The following STK25 variants were observed in gnomAD, a reference collection of about 807,000 sequenced individuals.
STK25 encodes the protein serine/threonine kinase 25, also known as serine/threonine-protein kinase 25.
In STK25, 29 loss-of-function variants were observed where a neutral mutation model predicts 53.8. The ratio of observed to expected loss-of-function variants is 0.54; its 90% confidence interval spans 0.40 to 0.74. The LOEUF (loss-of-function observed/expected upper bound fraction) is 0.74. STK25 is among the 30% of genes least tolerant of loss of function. The probability of loss-of-function intolerance (pLI) is 0.00; values close to 1 mark genes in which losing one functional copy is unlikely to be tolerated. For missense variants in STK25, 420 were observed against 568.0 expected (o/e 0.74, Z 2.65); for synonymous variants, 247 against 238.3 (o/e 1.04, Z -0.33).
chr2:241,499,563 A>C, intron 5 of STK25, 149 bp from the exon 6 acceptor site: 20 of 973,158 alleles, frequency 2.1e-5, no homozygotes, highest in Middle Eastern at 3.3e-4. Flanking sequence ...CCACTCTCAA[A>C]CCCAGGGCCA....
chr2:241,499,974 CAGCG>C, intron 5 of STK25, 195 bp downstream of exon 5: 1 of 677,064 alleles, frequency 1.5e-6, no homozygotes, highest in Middle Eastern at 2.4e-4. Flanking sequence ...CTGGTTTCCT[CAGCG>C]TACAAGGAAA....
chr2:241,499,660 A>C, intron 5 of STK25: 1 of 582,740 alleles, frequency 1.7e-6, no homozygotes, highest in Non-Finnish European at 3.0e-6. Context: ...TTTTACGACA[A>C]ATCCCAACGA....
Position 241,501,451 on chromosome 2 carries a change from G to C in STK25, c.261+27C>G. The C allele has an allele frequency of 1.2e-6, 2 of 1,603,086 alleles. No individual in the cohort carries two copies. The highest frequency in any genetic ancestry group is 1.7e-6 in the Non-Finnish European group (2 of 1,171,690). Reference sequence around the variant, plus strand: ...AAGAGAGCCGGGCACAGCACCAGCAGGGTCCCCGCCTCCCCACAACAGGCA... The same window carrying C: ...AAGAGAGCCGGGCACAGCACCAGCACGGTCCCCGCCTCCCCACAACAGGCA... On this transcript the variant is annotated intron_variant, in intron 3 of 11. Coordinates refer to ENST00000316586, the MANE Select transcript of STK25 (RefSeq NM_001271977.2). The surrounding 1 kb of genome is among the most constrained non-coding windows in gnomAD (Gnocchi z 5.3).
Position 241,496,429 on chromosome 2 carries a change from G to C in STK25, c.1210C>G (p.Leu404Val). ...EESCPGISDK[L>V]MVHLVERVQR... ...ACTCGCTCCACCAGGTGCACCATCA[G>C]CTTGTCTGAGATGCCGGGGCAGGAC... Residue 404 changes from leucine (L) to valine (V), a missense_variant, in exon 11 of 12, where the codon CTG (leucine) becomes GTG (valine). By Grantham distance (32) the Leu-to-Val change is conservative. Coordinates refer to ENST00000316586, the MANE Select transcript of STK25 (RefSeq NM_001271977.2). This position sits in a 1 kb window ranked among gnomAD's most constrained non-coding sequence, Gnocchi z 5.8. The C allele has an allele frequency of 6.2e-7, 1 of 1,613,698 alleles. No homozygotes were observed. The highest frequency in any genetic ancestry group is 8.5e-7 in the Non-Finnish European group (1 of 1,179,966).
chr2:241,501,671 A>T lies in STK25; in HGVS notation c.68T>A (p.Leu23His). ...AAACGAGCCCTTGCCAATGCGGTCG[A>T]GCTTGGTGAAGAGCTCCTCAGGGTC... ...RVDPEELFTK[L>H]DRIGKGSFGE... Residue 23 changes from leucine (L) to histidine (H), a missense_variant, in exon 3 of 12, where the codon CTC becomes CAC. Leu to His is a moderately conservative substitution (Grantham distance 99). Coordinates refer to ENST00000316586, the MANE Select transcript of STK25 (RefSeq NM_001271977.2). The surrounding 1 kb of genome is among the most constrained non-coding windows in gnomAD (Gnocchi z 5.3). 6.2e-7 allele frequency: 1 copy of T among 1,613,886 alleles called. No homozygotes were observed. The highest frequency in any genetic ancestry group is 8.5e-7 in the Non-Finnish European group (1 of 1,179,998).
upstream of STK25, chr2:241,508,741 G>T: frequency 1.0e-6 from 1 of 985,110 alleles, no homozygotes; most frequent in Non-Finnish European, 1.2e-6. Context: ...TCGCATGCGC[G>T]CCGCGAGGCT....
intron 8 of STK25, 99 bp from the exon 9 acceptor site, chr2:241,498,448 A>G (rs1254374233): frequency 6.9e-6 from 9 of 1,308,872 alleles, no homozygotes; most frequent in East Asian, 2.4e-5. Context: ...CCGAGGTACC[A>G]GACGGGGCTC....
intron 2 of STK25, chr2:241,502,012 A>C: frequency 6.6e-6 from 2 of 303,828 alleles, no homozygotes; most frequent in African/African-American, 2.1e-5. Context: ...TAATACAAAA[A>C]AATTATCTGG....
rs895329188 is a variant in STK25, at chr2:241,492,693, T to C, written c.*2969A>G. Reference sequence around the variant, plus strand: ...GGTTGGTTACTGAACACTGACTTTATTGTGCACAGGGAAAGGGAACTCACT... The same window carrying C: ...GGTTGGTTACTGAACACTGACTTTACTGTGCACAGGGAAAGGGAACTCACT... On this transcript the variant is annotated 3_prime_UTR_variant, in exon 12 of 12. Coordinates refer to ENST00000316586, the MANE Select transcript of STK25 (RefSeq NM_001271977.2). 9 of 480,886 alleles carry C rather than the reference T, an allele frequency of 1.9e-5. No homozygotes were observed. The Middle Eastern group carries it at 1.7e-3, about 90-fold the overall frequency. 29.8% of individuals were successfully genotyped at this position (480,886 alleles called of 1,614,324 possible).
rs776375978 is a variant in STK25 at position 241,497,598 on chromosome 2, T to C, written c.1104+18A>G. 4.3e-6 allele frequency: 7 copies of C among 1,612,674 alleles called. No homozygotes were observed. The South Asian group carries it at 7.7e-5, about 18-fold the overall frequency. ...GTCCTTGACGGGACTCCAGGCCCAG[T>C]CCCAGCCCCATCCTCACCTCTCCGA... On this transcript the variant is annotated intron_variant, in intron 10 of 11. Coordinates refer to ENST00000316586, the MANE Select transcript of STK25 (RefSeq NM_001271977.2).
intron 2 of STK25, among the ~76,000 whole-genome samples, chr2:241,504,590 A>G (rs2124997536): frequency 6.6e-6 from 1 of 152,322 alleles, no homozygotes; most frequent in Admixed American, 6.5e-5. Context: ...GGTGGCACAG[A>G]TGAGGTGAGA....
chr2:241,493,769 G>C lies in STK25; in HGVS notation c.*1893C>G, dbSNP rs555993692. On this transcript the variant is annotated 3_prime_UTR_variant, in exon 12 of 12. Transcript: ENST00000316586. ...ACGCCACGCCGCCTGGCTAATTTTT[G>C]TATTTTTAGTAGAGACAGGGTTTCA... is the stretch of plus-strand genomic sequence containing the variant. The C allele has an allele frequency of 6.4e-6, 3 of 471,092 alleles. No homozygotes were observed. The highest frequency in any genetic ancestry group is 1.1e-5 in the Non-Finnish European group (3 of 265,276). The allele number at this position is 471,092 out of a possible 1,614,324, so 29.2% of individuals were successfully genotyped here. A position where few individuals can be genotyped will look rare whatever the true frequency, so the allele number is the denominator to read the frequency against.
chr2:241,493,669 A>T lies in STK25; in HGVS notation c.*1993T>A, dbSNP rs1282486265. On this transcript the variant is annotated 3_prime_UTR_variant, in exon 12 of 12. Coordinates refer to ENST00000316586, the MANE Select transcript of STK25 (RefSeq NM_001271977.2). ...GAGTGCAGTGATACAATCTTGGCTC[A>T]CTATAACCTGCACCTCCAGGGTTCA... The T allele has an allele frequency of 8.9e-6, 5 of 564,654 alleles. No individual in the cohort carries two copies. Among genetic ancestry groups the T allele is most frequent in the Non-Finnish European group, 1.6e-5 (5 of 317,916 alleles). 35.0% of individuals were successfully genotyped at this position (564,654 alleles called of 1,614,324 possible). A position where few individuals can be genotyped will look rare whatever the true frequency, so the allele number is the denominator to read the frequency against.
chr2:241,498,414 G>T, intron 8 of STK25, 65 bp from the exon 9 acceptor site: 1 of 1,436,752 alleles, frequency 7.0e-7, no homozygotes, highest in Non-Finnish European at 9.5e-7. Flanking sequence ...GGGCCTCAGG[G>T]CACACCTCAC....
At chr2:241,504,172 C>T (rs1048682415) in intron 2 of STK25, 13 of 467,678 alleles carry the variant, frequency 2.8e-5, no homozygotes, top group African/African-American at 6.0e-5. Context: ...TGTCAAGGCC[C>T]GGGGGTGTGC....
chr2:241,498,623 T>A lies in STK25; in HGVS notation c.917+16A>T, dbSNP rs2065323302. 1.2e-6 allele frequency: 2 copies of A among 1,608,612 alleles called. No individual in the cohort carries two copies. The highest frequency in any genetic ancestry group is 1.7e-6 in the Non-Finnish European group (2 of 1,177,038). ...ACAGCACCTAGGGTCACCATGAGGA[T>A]AAACCAGGTCCCTACATGTCAGAGT... On this transcript the variant is annotated intron_variant, in intron 8 of 11. Transcript: ENST00000316586.
chr2:241,500,963 C>T (rs1212023724), intron 3 of STK25, 167 bp from the exon 4 acceptor site: 3 of 632,058 alleles, frequency 4.7e-6, no homozygotes, highest in Non-Finnish European at 8.5e-6. Flanking sequence ...TCTTCCCCTC[C>T]TGCCACACTA....
chr2:241,501,186 C>A lies in STK25; in HGVS notation c.261+292G>T. ...CCCCAGACACTGGCACCACCAGCCA[C>A]CTGCTCCTCACAGGCCCACTCACCA... On this transcript the variant is annotated intron_variant, in intron 3 of 11. Coordinates refer to ENST00000316586, the MANE Select transcript of STK25 (RefSeq NM_001271977.2). This position sits in a 1 kb window ranked among gnomAD's most constrained non-coding sequence, Gnocchi z 5.3. 2 of 555,114 alleles carry A rather than the reference C, an allele frequency of 3.6e-6. No individual in the cohort carries two copies. The highest frequency in any genetic ancestry group is 6.5e-6 in the Non-Finnish European group (2 of 307,654). 34.4% of individuals were successfully genotyped at this position (555,114 alleles called of 1,614,324 possible). A position where few individuals can be genotyped will look rare whatever the true frequency, so the allele number is the denominator to read the frequency against.
At chr2:241,497,039 G>C (rs1236284921) in intron 10 of STK25, 2 of 157,998 alleles carry the variant, frequency 1.3e-5, no homozygotes, top group Non-Finnish European at 2.8e-5. Flanking sequence ...TTCCCGCTGG[G>C]GCCTCCACAT....
Sources: gnomAD v4.1 joint callset for allele counts (sites outside exome capture counted in the v4.1 genomes callset) on GRCh38, gnomAD v4.1.1 for gene constraint, Gnocchi (gnomAD v3.1) non-coding constraint, MANE v1.5 for transcripts, NCBI Gene and HGNC (gene_info 2026-07-23, HGNC 2026-07-21) for gene names.